FBXW11: variants seen among roughly 807,000 people sequenced by gnomAD.
The protein encoded by FBXW11 is F-box/WD repeat-containing protein 11.
A neutral mutation model predicts 77.6 loss-of-function variants in FBXW11; 19 were observed. The observed-to-expected ratio is 0.24, with a 90% CI of 0.17 to 0.36. The LOEUF (loss-of-function observed/expected upper bound fraction) is 0.36, where lower values mean the gene tolerates loss of function less well. Ranked by LOEUF, FBXW11 falls within the 10% of genes least tolerant of loss-of-function variation. The probability of loss-of-function intolerance (pLI) is 1.00; values close to 1 mark genes in which losing one functional copy is unlikely to be tolerated. For synonymous variants in FBXW11, 235 were observed against 249.4 expected, an observed-to-expected ratio of 0.94 and a Z score of 0.54; for missense variants, 334 against 704.2, an observed-to-expected ratio of 0.47 and a Z score of 5.95.
chr5:171,869,771 G>A lies in FBXW11; in HGVS notation c.1488C>T (p.Asp496=). The A allele has an allele frequency of 6.2e-7, 1 of 1,611,192 alleles. No homozygotes were observed. The highest frequency in any genetic ancestry group is 1.1e-5 in the South Asian group (1 of 90,706). ...ACAATGTGCTTGCTGGGGCTCGAGG[G>A]TCAAGAGCAGCTTGCAAGTCCCAAA... ...IKVWDLQAAL[D]PRAPASTLCL... is the part of the protein sequence containing the mutation. Residue 496 remains aspartate (D), a synonymous_variant, in exon 12 of 14, where the codon GAC becomes GAT. Coordinates refer to ENST00000517395, the MANE Select transcript of FBXW11 (RefSeq NM_001378974.1). This position sits in a 1 kb window ranked among gnomAD's most constrained non-coding sequence, Gnocchi z 4.1.
intron 2 of FBXW11, among the ~76,000 whole-genome samples, chr5:171,930,642 A>G (rs1411152757): frequency 1.3e-5 from 2 of 151,798 alleles, no homozygotes; most frequent in African/African-American, 4.8e-5. Flanking sequence ...TCACTTGTTT[A>G]TCTGCTGACC....
chr5:171,954,395 G>C (rs758177182), intron 2 of FBXW11, among the ~76,000 whole-genome samples: 2 of 152,128 alleles, frequency 1.3e-5, no homozygotes, highest in African/African-American at 2.4e-5. Flanking sequence ...TTCCATAAAA[G>C]ATCAAATGAG....
intron 1 of FBXW11, among the ~76,000 whole-genome samples, chr5:171,971,975 T>C (rs1193166627): frequency 6.6e-6 from 1 of 151,332 alleles, no homozygotes; most frequent in Non-Finnish European, 1.5e-5. Flanking sequence ...CTCACACCTG[T>C]AATCCCAGAA....
chr5:171,928,742 C>G (rs1415610392), intron 2 of FBXW11, among the ~76,000 whole-genome samples: 1 of 152,192 alleles, frequency 6.6e-6, no homozygotes, highest in Non-Finnish European at 1.5e-5. Flanking sequence ...AAGGACAAAG[C>G]TAGAATATCC....
At chr5:171,931,643 C>G (rs1453609979) in intron 2 of FBXW11, among the ~76,000 whole-genome samples, 2 of 152,030 alleles carry the variant, frequency 1.3e-5, no homozygotes, top group African/African-American at 4.8e-5. Flanking sequence ...ATCAAAGGCA[C>G]AATCCATGAA....
At chr5:171,972,287 G>A (rs1764574684) in intron 1 of FBXW11, among the ~76,000 whole-genome samples, 1 of 151,104 alleles carries the variant, frequency 6.6e-6, no homozygotes, top group Non-Finnish European at 1.5e-5. Flanking sequence ...AGACCAGCCT[G>A]GTCAACACAA....
At chr5:171,905,410 TA>T (rs1049073320) in intron 4 of FBXW11, among the ~76,000 whole-genome samples, 2 of 152,280 alleles carry the variant, frequency 1.3e-5, no homozygotes, top group African/African-American at 2.4e-5. Flanking sequence ...TGCGAAAGTT[TA>T]AAAAACAGCA....
At chr5:171,896,283 AC>A (rs750034316) in intron 6 of FBXW11, among the ~76,000 whole-genome samples, 1 of 152,186 alleles carries the variant, frequency 6.6e-6, no homozygotes, top group Non-Finnish European at 1.5e-5. Flanking sequence ...TCTAAGGGAA[AC>A]AACACAAGAG....
At chr5:171,977,738 G>A (rs761638994) in intron 1 of FBXW11, 19 of 364,122 alleles carry the variant, frequency 5.2e-5, no homozygotes, top group Non-Finnish European at 8.1e-5. Flanking sequence ...AGAAGCTTGT[G>A]CAGGGAAACT....
At chr5:171,964,491 G>A (rs1488163438) in intron 1 of FBXW11, among the ~76,000 whole-genome samples, 4 of 152,200 alleles carry the variant, frequency 2.6e-5, no homozygotes, top group Admixed American at 2.0e-4. Context: ...TTCTGCTGAA[G>A]ACTGCCAAAT....
intron 3 of FBXW11, 81 bp downstream of exon 3, chr5:171,914,262 T>G (rs1166342968): frequency 3.4e-6 from 4 of 1,193,686 alleles, no homozygotes; most frequent in Non-Finnish European, 4.7e-6. Flanking sequence ...TGGCTCTTGA[T>G]TCCACTGAGG....
chr5:171,910,946 G>A, intron 3 of FBXW11, 149 bp from the exon 4 acceptor site: 1 of 604,192 alleles, frequency 1.7e-6, no homozygotes, highest in Non-Finnish European at 2.8e-6. Context: ...AATTCATTCA[G>A]GAATTAAAAA....
chr5:171,928,876 C>G (rs974766961), intron 2 of FBXW11, among the ~76,000 whole-genome samples: 8 of 152,014 alleles, frequency 5.3e-5, no homozygotes, highest in Non-Finnish European at 8.8e-5. Context: ...AGTTCAAGAC[C>G]AGCCTGGCCA....
intron 2 of FBXW11, among the ~76,000 whole-genome samples, chr5:171,918,886 C>T (rs1178212885): frequency 6.6e-6 from 1 of 152,140 alleles, no homozygotes; most frequent in African/African-American, 2.4e-5. Flanking sequence ...GGGAAGGGGG[C>T]TAAATCACTC....
chr5:171,957,487 C>T, intron 2 of FBXW11, 110 bp downstream of exon 2: 1 of 1,047,022 alleles, frequency 9.6e-7, no homozygotes, highest in Non-Finnish European at 1.5e-6. Flanking sequence ...CAGAGGGTTA[C>T]ACAGAACATT....
At chr5:171,875,593 G>A (rs1435935518) in intron 9 of FBXW11, among the ~76,000 whole-genome samples, 1 of 152,052 alleles carries the variant, frequency 6.6e-6, no homozygotes, top group Non-Finnish European at 1.5e-5. Flanking sequence ...TCAATCTTAT[G>A]GCATGGAAAC....
chr5:171,967,883 TACAC>T lies in FBXW11; in HGVS notation c.46-10189_46-10186del, dbSNP rs59469025. Among the ~76,000 whole-genome samples the T allele has an allele frequency of 6.0e-3, 452 of 74,766 alleles. 4 individuals are homozygous for T. The highest frequency in any genetic ancestry group is 0.025 in the African/African-American group (425 of 16,682). 49.0% of individuals were successfully genotyped at this position (74,766 alleles called of 152,430 possible). ...ATATATATATATATATATATATATA[TACAC>T]ACACACACACACACACACACACACA... On this transcript the variant is annotated intron_variant, in intron 1 of 13. Transcript: ENST00000517395.
At chr5:171,947,402 A>G (rs1763067776) in intron 2 of FBXW11, among the ~76,000 whole-genome samples, 1 of 152,198 alleles carries the variant, frequency 6.6e-6, no homozygotes, top group Admixed American at 6.5e-5. Flanking sequence ...GTAGATTAAA[A>G]GGCTTAAAGT....
chr5:171,920,389 A>G (rs867688271), intron 2 of FBXW11, among the ~76,000 whole-genome samples: 1 of 149,820 alleles, frequency 6.7e-6, no homozygotes, highest in South Asian at 2.2e-4. Context: ...GAGGATGGGA[A>G]GCATAATCAA....
Sources: allele counts gnomAD v4.1 joint callset (sites outside exome capture counted in the v4.1 genomes callset), GRCh38; gene constraint gnomAD v4.1.1; non-coding constraint Gnocchi (gnomAD v3.1); transcripts MANE v1.5; gene names NCBI Gene and HGNC (gene_info 2026-07-23, HGNC 2026-07-21).